SH3GL1: variants seen among roughly 807,000 people sequenced by gnomAD.
SH3GL1 encodes the protein endophilin-A2.
In SH3GL1, 21 loss-of-function variants were observed where a neutral mutation model predicts 48.8. The ratio of observed to expected loss-of-function variants is 0.43; its 90% CI spans 0.30 to 0.62. SH3GL1 has a LOEUF of 0.62. SH3GL1 is among the 20% of genes least tolerant of loss of function. SH3GL1 has a pLI of 0.11. For missense variants in SH3GL1, 454 were observed against 503.0 expected (o/e 0.90, Z 0.93); for synonymous variants, 282 against 217.5 (o/e 1.30, Z -2.61).
chr19:4,362,493 G>A (rs1446198222), intron 8 of SH3GL1, 108 bp from the exon 9 acceptor site: 6 of 1,571,442 alleles, frequency 3.8e-6, no homozygotes, highest in South Asian at 1.1e-5. Flanking sequence ...GGTCCAGATG[G>A]AGCACGGCTG....
intron 1 of SH3GL1, among the ~76,000 whole-genome samples, chr19:4,368,296 G>T (rs1972825464): frequency 1.3e-5 from 2 of 152,230 alleles, no homozygotes; most frequent in African/African-American, 4.8e-5. Flanking sequence ...GTCCAGCAGG[G>T]CAGTCAGGAG....
rs565433339 is a variant in SH3GL1, at chr19:4,374,998, G to A, written c.46-8004C>T. Among the ~76,000 whole-genome samples, 217 of 152,296 alleles carry A rather than the reference G, an allele frequency of 1.4e-3. 1 individual carries two copies. The highest frequency in any genetic ancestry group is 2.3e-3 in the Non-Finnish European group (154 of 68,016). ...TGACCTGGGCTCGGCTCTAATGACCGGCAGCCCTGGGGCTCCCATCACCAC... is the reference window on the plus strand; with the variant it reads ...TGACCTGGGCTCGGCTCTAATGACCAGCAGCCCTGGGGCTCCCATCACCAC... On this transcript the variant is annotated intron_variant, in intron 1 of 9. Coordinates refer to ENST00000269886, the MANE Select transcript of SH3GL1 (RefSeq NM_003025.4).
In SH3GL1 at chr19:4,376,476, C is replaced by T. The variant is rs1973010875; in HGVS notation, c.46-9482G>A. 6.6e-6 allele frequency among the ~76,000 whole-genome samples: 1 copy of T among 152,130 alleles called. No individual in the cohort carries two copies. The highest frequency in any genetic ancestry group is 1.5e-5 in the Non-Finnish European group (1 of 68,004). On this transcript the variant is annotated intron_variant, in intron 1 of 9. Coordinates refer to ENST00000269886, the MANE Select transcript of SH3GL1 (RefSeq NM_003025.4). This position sits in a 1 kb window ranked among gnomAD's most constrained non-coding sequence, Gnocchi z 4.3. ...CTTGCCTCTCCCGTGTCCTATCCGCCCAGACCTCAGACCTCAGAGAAGCCT... is the reference window on the plus strand; with the variant it reads ...CTTGCCTCTCCCGTGTCCTATCCGCTCAGACCTCAGACCTCAGAGAAGCCT...
At chr19:4,385,688 G>A (rs1261741310) in intron 1 of SH3GL1, among the ~76,000 whole-genome samples, 1 of 152,236 alleles carries the variant, frequency 6.6e-6, no homozygotes, top group Non-Finnish European at 1.5e-5. Context: ...GACAGGCACA[G>A]AGTGCTCTGG....
intron 1 of SH3GL1, among the ~76,000 whole-genome samples, chr19:4,398,853 T>C (rs909695806): frequency 2.6e-5 from 4 of 152,322 alleles, no homozygotes; most frequent in South Asian, 2.1e-4. Flanking sequence ...ATTCTACTTC[T>C]GGGAATTCAT....
intron 1 of SH3GL1, among the ~76,000 whole-genome samples, chr19:4,377,582 G>A (rs1024175721): frequency 6.6e-5 from 10 of 152,174 alleles, no homozygotes; most frequent in East Asian, 5.8e-4. Flanking sequence ...GGTGAGAGGC[G>A]GTCAGCAGCT....
Position 4,400,299 on chromosome 19 carries a change from G to T in SH3GL1, c.45+25C>A. The T allele has an allele frequency of 6.3e-7, 1 of 1,590,550 alleles. No individual in the cohort carries two copies. Reference sequence around the variant, plus strand: ...CCGGGCAGCCCGGGGCCCGGTACTCGGCTCCCGCCTGGGCCTGCGCTCACC... The same window carrying T: ...CCGGGCAGCCCGGGGCCCGGTACTCTGCTCCCGCCTGGGCCTGCGCTCACC... On this transcript the variant is annotated intron_variant, in intron 1 of 9. Coordinates refer to ENST00000269886, the MANE Select transcript of SH3GL1 (RefSeq NM_003025.4). This position sits in a 1 kb window ranked among gnomAD's most constrained non-coding sequence, Gnocchi z 4.1.
rs1346707928 is a variant in SH3GL1, at chr19:4,394,513, C to T, written c.45+5811G>A. Among the ~76,000 whole-genome samples the T allele has an allele frequency of 2.0e-5, 3 of 152,088 alleles. No homozygotes were observed. The East Asian group carries it at 5.8e-4, about 29-fold the overall frequency. Reference sequence around the variant, plus strand: ...CAACCAGTCTATGGCCAGTTCATGACAAGAAGTAAAAACTCACAAACTGCC... The same window carrying T: ...CAACCAGTCTATGGCCAGTTCATGATAAGAAGTAAAAACTCACAAACTGCC... On this transcript the variant is annotated intron_variant, in intron 1 of 9. Transcript: ENST00000269886.
intron 1 of SH3GL1, among the ~76,000 whole-genome samples, chr19:4,387,085 C>T (rs1031918936): frequency 2.6e-5 from 4 of 151,986 alleles, no homozygotes; most frequent in Non-Finnish European, 4.4e-5. Flanking sequence ...TACAGGTGCC[C>T]GCCACCACAT....
intron 1 of SH3GL1, among the ~76,000 whole-genome samples, chr19:4,374,945 G>A (rs933283018): frequency 2.6e-5 from 4 of 152,298 alleles, no homozygotes; most frequent in South Asian, 2.1e-4. Context: ...TGGGCCACAC[G>A]CTGTCCCAGC....
rs1354356133 is a variant in SH3GL1, at chr19:4,363,817, C to T, written c.527G>A (p.Gly176Asp). ...GCGTAGCTCCTCATCGGGGATCTTG[C>T]CCTGCCGCTTCTTCTTGTAGTCAAA... ...LDFDYKKKRQGKIPDEELRQA... is the reference protein window; with the variant it reads ...LDFDYKKKRQDKIPDEELRQA... The change falls in exon 6 of 10, where the codon GGC becomes GAC. Residue 176 changes from glycine to aspartate, a missense_variant. Gly to Asp is a moderately conservative substitution (Grantham distance 94). Transcript: ENST00000269886. 2 of 1,613,486 alleles carry T rather than the reference C, an allele frequency of 1.2e-6. No individual in the cohort carries two copies. Among genetic ancestry groups the T allele is most frequent in the Non-Finnish European group, 1.7e-6 (2 of 1,180,046 alleles).
chr19:4,397,623 G>A (rs1424822970), intron 1 of SH3GL1, among the ~76,000 whole-genome samples: 1 of 152,168 alleles, frequency 6.6e-6, no homozygotes, highest in East Asian at 1.9e-4. Context: ...AGTACTCTAT[G>A]GTGCTCTAAC....
chr19:4,363,567 T>A (rs926843503), intron 6 of SH3GL1, 94 bp from the exon 7 acceptor site: 1 of 1,452,970 alleles, frequency 6.9e-7, no homozygotes, highest in African/African-American at 1.4e-5. Flanking sequence ...GCAAGGGGGC[T>A]GAGAGGGGAC....
chr19:4,381,690 T>A (rs1434834878), intron 1 of SH3GL1, among the ~76,000 whole-genome samples: 1 of 14,344 alleles, frequency 7.0e-5, no homozygotes, highest in African/African-American at 2.2e-4. Flanking sequence ...CCCACACGCC[T>A]TTTTTTTTTT....
intron 1 of SH3GL1, among the ~76,000 whole-genome samples, chr19:4,369,422 C>T (rs552207639): frequency 2.0e-5 from 3 of 152,218 alleles, no homozygotes; most frequent in Non-Finnish European, 4.4e-5. Context: ...ACCTTCTGGG[C>T]GGAGGCCACC....
intron 1 of SH3GL1, among the ~76,000 whole-genome samples, chr19:4,393,492 T>A (rs914362909): frequency 2.0e-5 from 3 of 151,370 alleles, no homozygotes; most frequent in African/African-American, 4.9e-5. Context: ...ACAAAAAAAT[T>A]AAAAAATAAA....
intron 1 of SH3GL1, among the ~76,000 whole-genome samples, chr19:4,368,394 G>A (rs1972827893): frequency 6.6e-6 from 1 of 152,220 alleles, no homozygotes; most frequent in Admixed American, 6.5e-5. Flanking sequence ...CCCACGCCAG[G>A]CACCTGGTGT....
At chr19:4,370,968 G>C (rs1396134110) in intron 1 of SH3GL1, among the ~76,000 whole-genome samples, 2 of 152,234 alleles carry the variant, frequency 1.3e-5, no homozygotes, top group East Asian at 1.9e-4. Context: ...CCCACTCTAT[G>C]CTCACGCATC....
intron 1 of SH3GL1, among the ~76,000 whole-genome samples, chr19:4,375,476 T>C (rs1037880245): frequency 1.3e-5 from 2 of 152,218 alleles, no homozygotes; most frequent in African/African-American, 4.8e-5. Flanking sequence ...GGGAAGCTCA[T>C]GCTACCTTCC....
Sources: gnomAD v4.1 joint callset for allele counts (sites outside exome capture counted in the v4.1 genomes callset) on GRCh38, gnomAD v4.1.1 for gene constraint, Gnocchi (gnomAD v3.1) non-coding constraint, MANE v1.5 for transcripts, NCBI Gene and HGNC (gene_info 2026-07-23, HGNC 2026-07-21) for gene names.